The following IL15 variants were observed in gnomAD, a reference collection of about 807,000 sequenced individuals.
The protein encoded by IL15 is interleukin-15.
In IL15, 11 loss-of-function variants were observed where a neutral mutation model predicts 19.6. The observed-to-expected ratio is 0.56, with a 90% CI of 0.35 to 0.93. The LOEUF (loss-of-function observed/expected upper bound fraction) is 0.93. IL15 is among the 40% of genes least tolerant of loss of function. The probability of loss-of-function intolerance (pLI) is 0.01; values close to 1 mark genes in which losing one functional copy is unlikely to be tolerated. For missense variants in IL15, 197 were observed against 186.5 expected (o/e 1.06, Z -0.33); for synonymous variants, 58 against 59.6 (o/e 0.97, Z 0.12).
rs546581539 is a variant in IL15, at chr4:141,659,546, G to C, written c.-100+3239G>C. On this transcript the variant is annotated intron_variant, in intron 2 of 7. Coordinates refer to ENST00000320650, the MANE Select transcript of IL15 (RefSeq NM_000585.5). Reference sequence around the variant, plus strand: ...AGATTAGGTATTGCTACCATTGAGGGGTTAAAAAAGAAGCAGGGGGAAATT... The same window carrying C: ...AGATTAGGTATTGCTACCATTGAGGCGTTAAAAAAGAAGCAGGGGGAAATT... Among the ~76,000 whole-genome samples the C allele has an allele frequency of 1.2e-4, 18 of 152,210 alleles. No individual in the cohort carries two copies. In the East Asian group the frequency reaches 3.3e-3, roughly 28 times the overall value.
intron 2 of IL15, among the ~76,000 whole-genome samples, chr4:141,685,173 G>T (rs976560588): frequency 2.6e-5 from 4 of 152,166 alleles, no homozygotes; most frequent in Admixed American, 2.0e-4. Context: ...TTCCAAAAGA[G>T]AGAGTCTCTA....
chr4:141,729,765 A>G, intron 6 of IL15, 82 bp from the exon 7 acceptor site: 1 of 764,372 alleles, frequency 1.3e-6, no homozygotes, highest in South Asian at 1.8e-5. Context: ...ATTTGGATTG[A>G]CTTTTTGAAA....
intron 2 of IL15, among the ~76,000 whole-genome samples, chr4:141,714,338 C>T (rs1003372499): frequency 6.6e-6 from 1 of 151,868 alleles, no homozygotes; most frequent in Non-Finnish European, 1.5e-5. Context: ...TCTGGCACTT[C>T]CCACCCCCTC....
Position 141,712,243 on chromosome 4 carries a change from C to T in IL15, c.-99-7123C>T, listed in dbSNP as rs1729737232. On this transcript the variant is annotated intron_variant, in intron 2 of 7. Coordinates refer to ENST00000320650, the MANE Select transcript of IL15 (RefSeq NM_000585.5). ...ACTATGGTTTGGGATAATTTCTTCACCTTAGTGAGTGTTTGAATGAAGTGC... is the reference window on the plus strand; with the variant it reads ...ACTATGGTTTGGGATAATTTCTTCATCTTAGTGAGTGTTTGAATGAAGTGC... 2.6e-5 allele frequency among the ~76,000 whole-genome samples: 4 copies of T among 152,164 alleles called. No individual in the cohort carries two copies. The South Asian group carries it at 8.3e-4, about 32-fold the overall frequency.
In IL15 at chr4:141,721,969, T is replaced by C. The variant is rs1309847172; in HGVS notation, c.156T>C (p.Asn52=). ...CTAAAACAGAAGCCAACTGGGTGAA[T>C]GTAATAAGTGATTTGAAAAAAATTG... The part of the protein sequence containing the change: ...GLPKTEANWV[N]VISDLKKIED... Residue 52 remains asparagine (N), a synonymous_variant, in exon 5 of 8, where the codon AAT becomes AAC. Transcript: ENST00000320650. The C allele has an allele frequency of 1.3e-6, 2 of 1,594,696 alleles. No homozygotes were observed. Among genetic ancestry groups the C allele is most frequent in the East Asian group, 2.2e-5 (1 of 44,468 alleles).
intron 5 of IL15, among the ~76,000 whole-genome samples, chr4:141,722,857 A>G (rs1276460986): frequency 6.6e-6 from 1 of 152,208 alleles, no homozygotes; most frequent in Non-Finnish European, 1.5e-5. Flanking sequence ...TAGAAATTAT[A>G]TAACTGAAAA....
At chr4:141,715,949 G>A (rs1729869664) in intron 2 of IL15, 1 of 152,108 alleles carries the variant, frequency 6.6e-6, no homozygotes, top group African/African-American at 2.4e-5. Flanking sequence ...AAATAGCAAT[G>A]GTGTGAGCCC....
Position 141,684,066 on chromosome 4 carries a change from G to A in IL15, c.-100+27759G>A, listed in dbSNP as rs1026660335. ...TGCTACAATGCAGGTGAAAGACCCT[G>A]TTGGGGATATGTGTTGGAGAAGCTG... On this transcript the variant is annotated intron_variant, in intron 2 of 7. Coordinates refer to ENST00000320650, the MANE Select transcript of IL15 (RefSeq NM_000585.5). Among the ~76,000 whole-genome samples, 16 of 152,310 alleles carry A rather than the reference G, an allele frequency of 1.1e-4. No individual in the cohort carries two copies. In the East Asian group the frequency reaches 3.1e-3, roughly 29 times the overall value.
At position 141,709,065 on chromosome 4, in the gene IL15, ATTCAATATTGAAAATT is replaced by A. The variant is rs1208119268; in HGVS notation, c.-99-10286_-99-10271del. ...TTCAATATTGAAAATTTTCAATATTATTCAATATTGAAAATTTTCAATATTGAAAAATTTCAATATT... is the reference window on the plus strand; with the variant it reads ...TTCAATATTGAAAATTTTCAATATTATTCAATATTGAAAAATTTCAATATT... On this transcript the variant is annotated intron_variant, in intron 2 of 7. Transcript: ENST00000320650. Among the ~76,000 whole-genome samples, 949 of 105,564 alleles carry A rather than the reference ATTCAATATTGAAAATT, an allele frequency of 9.0e-3. 14 individuals are homozygous for A. Among genetic ancestry groups the A allele is most frequent in the African/African-American group, 0.032 (891 of 27,646 alleles). The allele number at this position is 105,564 out of a possible 152,430, so 69.3% of individuals were successfully genotyped here.
At chr4:141,709,740 T>C (rs1287501969) in intron 2 of IL15, among the ~76,000 whole-genome samples, 2 of 152,214 alleles carry the variant, frequency 1.3e-5, no homozygotes, top group African/African-American at 4.8e-5. Context: ...ATAACTATTA[T>C]ATCTTCTGAG....
chr4:141,710,791 T>G (rs548658662), intron 2 of IL15, among the ~76,000 whole-genome samples: 5 of 151,040 alleles, frequency 3.3e-5, no homozygotes, highest in African/African-American at 1.2e-4. Context: ...CTGGCTTGGG[T>G]TTTTTTTTCA....
chr4:141,678,796 T>TTCTCCATGTC (rs2152171336), intron 2 of IL15, among the ~76,000 whole-genome samples: 1 of 152,234 alleles, frequency 6.6e-6, no homozygotes, highest in South Asian at 2.1e-4. Flanking sequence ...GAGACAGGGT[T>TTCTCCATGTC]TCTCCGTGTT....
rs755218500 is a variant in IL15 at position 141,732,890 on chromosome 4, C to A, written c.*42C>A. 1 of 1,590,686 alleles carries A rather than the reference C, an allele frequency of 6.3e-7. No homozygotes were observed. Among genetic ancestry groups the A allele is most frequent in the African/African-American group, 1.4e-5 (1 of 73,582 alleles). On this transcript the variant is annotated 3_prime_UTR_variant, in exon 8 of 8. Coordinates refer to ENST00000320650, the MANE Select transcript of IL15 (RefSeq NM_000585.5). Reference sequence around the variant, plus strand: ...TTAAAGTGTTTCTGTTATTAACAAACATCACTCTGCTGCTTAGACATAACA... The same window carrying A: ...TTAAAGTGTTTCTGTTATTAACAAAAATCACTCTGCTGCTTAGACATAACA...
At position 141,729,740 on chromosome 4, in the gene IL15, G is replaced by A; in HGVS notation, c.241-107G>A. On this transcript the variant is annotated intron_variant, in intron 6 of 7. Transcript: ENST00000320650. ...ATGTAAAATTTCTTAAGGATATTGTGTATCTTTATAAAATATTTGGATTGA... is the reference window on the plus strand; with the variant it reads ...ATGTAAAATTTCTTAAGGATATTGTATATCTTTATAAAATATTTGGATTGA... 4 of 655,742 alleles carry A rather than the reference G, an allele frequency of 6.1e-6. No individual in the cohort carries two copies. In the East Asian group the frequency reaches 1.1e-4, roughly 18 times the overall value. The allele number at this position is 655,742 out of a possible 1,614,324, so 40.6% of individuals were successfully genotyped here. A position where few individuals can be genotyped will look rare whatever the true frequency, so the allele number is the denominator to read the frequency against.
At chr4:141,669,940 G>C (rs1182834880) in intron 2 of IL15, among the ~76,000 whole-genome samples, 3 of 151,666 alleles carry the variant, frequency 2.0e-5, no homozygotes, top group South Asian at 2.1e-4. Context: ...GAAAACTCTT[G>C]AGTAAGCATA....
At chr4:141,659,229 G>A (rs1727709223) in intron 2 of IL15, among the ~76,000 whole-genome samples, 1 of 149,870 alleles carries the variant, frequency 6.7e-6, no homozygotes. Context: ...TGGAGACGGA[G>A]TCTTGCTTGT....
At chr4:141,731,908 T>C (rs530150389) in intron 7 of IL15, among the ~76,000 whole-genome samples, 77 of 152,162 alleles carry the variant, frequency 5.1e-4, no homozygotes, top group Non-Finnish European at 8.5e-4. Context: ...TAGTTATCCA[T>C]GAGACTGTGT....
chr4:141,686,923 T>C (rs1259672677), intron 2 of IL15, among the ~76,000 whole-genome samples: 1 of 152,244 alleles, frequency 6.6e-6, no homozygotes, highest in Non-Finnish European at 1.5e-5. Flanking sequence ...TAATTTTAAA[T>C]ATTTTCTATA....
intron 2 of IL15, among the ~76,000 whole-genome samples, chr4:141,659,227 G>A (rs1209421800): frequency 6.6e-6 from 1 of 150,512 alleles, no homozygotes; most frequent in Non-Finnish European, 1.5e-5. Context: ...TTTGGAGACG[G>A]AGTCTTGCTT....
Sources: gnomAD v4.1 joint callset for allele counts (sites outside exome capture counted in the v4.1 genomes callset) on GRCh38, gnomAD v4.1.1 for gene constraint, MANE v1.5 for transcripts, NCBI Gene and HGNC (gene_info 2026-07-23, HGNC 2026-07-21) for gene names.